Variants in TNFSF4 observed in about 807,000 individuals in gnomAD.
The protein encoded by TNFSF4 is tumor necrosis factor ligand superfamily member 4.
A neutral mutation model predicts 7.3 loss-of-function variants in TNFSF4; 4 were observed. That is an observed-to-expected ratio of 0.55 (90% CI 0.27 to 1.25). The LOEUF is 1.25. Among genes scored for constraint, TNFSF4 ranks in the 50% most tolerant of loss-of-function variants. The pLI, the probability that TNFSF4 is intolerant of heterozygous loss-of-function variation, is 0.12. For missense variants in TNFSF4, 181 were observed against 208.8 expected, an observed-to-expected ratio of 0.87 and a Z score of 0.82; for synonymous variants, 76 against 83.7, an observed-to-expected ratio of 0.91 and a Z score of 0.50.
the TNFSF4 span, among the ~76,000 whole-genome samples, chr1:173,302,051 T>A: frequency 2.6e-5 from 4 of 151,910 alleles, no homozygotes; most frequent in African/African-American, 7.2e-5. Context: ...AGAAATAAAC[T>A]TTTTAAACGG....
intron 2 of TNFSF4, among the ~76,000 whole-genome samples, chr1:173,187,550 T>C (rs1272831287): frequency 6.6e-6 from 1 of 152,202 alleles, no homozygotes; most frequent in Non-Finnish European, 1.5e-5. Flanking sequence ...GCACACCGTA[T>C]CTGTGGATTC....
the TNFSF4 span, among the ~76,000 whole-genome samples, chr1:173,262,073 A>T: frequency 6.6e-6 from 1 of 152,214 alleles, no homozygotes; most frequent in Non-Finnish European, 1.5e-5. Context: ...TCGATGCAAA[A>T]ATCCTCAATA....
chr1:173,425,662 A>G, the TNFSF4 span, among the ~76,000 whole-genome samples: 8 of 152,228 alleles, frequency 5.3e-5, no homozygotes, highest in Non-Finnish European at 5.9e-5. Context: ...AAAGGACATC[A>G]GGCAGTTAAA....
At chr1:173,351,852 A>G in the TNFSF4 span, 1 of 601,186 alleles carries the variant, frequency 1.7e-6, no homozygotes, top group South Asian at 1.7e-5. Context: ...CAATGGCACA[A>G]CTGTCCATGT....
chr1:173,348,263 T>A, the TNFSF4 span, among the ~76,000 whole-genome samples: 1 of 152,208 alleles, frequency 6.6e-6, no homozygotes, highest in East Asian at 1.9e-4. Context: ...TGGTAGTGAA[T>A]AAAAGTCTCA....
the TNFSF4 span, among the ~76,000 whole-genome samples, chr1:173,266,320 C>CATAT: frequency 6.6e-6 from 1 of 151,292 alleles, no homozygotes; most frequent in Non-Finnish European, 1.5e-5. Context: ...GAAGGGTATG[C>CATAT]ATATATATAT....
downstream of TNFSF4, among the ~76,000 whole-genome samples, chr1:173,181,832 G>C (rs562352575): frequency 6.6e-6 from 1 of 152,178 alleles, no homozygotes; most frequent in African/African-American, 2.4e-5. Flanking sequence ...TCCGTGCTTT[G>C]ATCCCGTGGA....
the TNFSF4 span, among the ~76,000 whole-genome samples, chr1:173,291,175 G>A: frequency 6.6e-6 from 1 of 152,162 alleles, no homozygotes; most frequent in Non-Finnish European, 1.5e-5. Context: ...GGCAAAACAG[G>A]AGCGAGCACC....
At chr1:173,204,606 C>T (rs1033778835) in intron 1 of TNFSF4, among the ~76,000 whole-genome samples, 1 of 152,144 alleles carries the variant, frequency 6.6e-6, no homozygotes, top group Non-Finnish European at 1.5e-5. Flanking sequence ...AAAAACCTTT[C>T]TCTCACAATA....
At chr1:173,322,933 C>T in the TNFSF4 span, among the ~76,000 whole-genome samples, 2 of 152,204 alleles carry the variant, frequency 1.3e-5, no homozygotes, top group African/African-American at 4.8e-5. Context: ...GGAGGCCTGC[C>T]TGCCTCTATA....
chr1:173,444,022 G>A, the TNFSF4 span, among the ~76,000 whole-genome samples: 1 of 152,264 alleles, frequency 6.6e-6, no homozygotes, highest in African/African-American at 2.4e-5. Context: ...AGCTCTTTGG[G>A]AAATCAGAAG....
the TNFSF4 span, among the ~76,000 whole-genome samples, chr1:173,269,244 G>C: frequency 1.1e-3 from 167 of 152,234 alleles, no homozygotes; most frequent in Middle Eastern, 6.8e-3. Flanking sequence ...TTCCAAGGAA[G>C]ATACTTTTCA....
the TNFSF4 span, among the ~76,000 whole-genome samples, chr1:173,403,975 A>T: frequency 2.6e-5 from 4 of 152,300 alleles, no homozygotes; most frequent in South Asian, 8.3e-4. Flanking sequence ...GGGAAATATA[A>T]AAGAGTAAGA....
chr1:173,307,032 C>T, the TNFSF4 span, among the ~76,000 whole-genome samples: 2 of 151,858 alleles, frequency 1.3e-5, no homozygotes, highest in Non-Finnish European at 2.9e-5. Flanking sequence ...TTAATTGCTT[C>T]TTGGAATGAT....
chr1:173,281,133 C>A, the TNFSF4 span, among the ~76,000 whole-genome samples: 3 of 151,786 alleles, frequency 2.0e-5, no homozygotes, highest in African/African-American at 4.8e-5. Flanking sequence ...ACGTGAGATG[C>A]GCATTGTTAG....
chr1:173,275,163 T>G, the TNFSF4 span, among the ~76,000 whole-genome samples: 1 of 152,056 alleles, frequency 6.6e-6, no homozygotes, highest in Non-Finnish European at 1.5e-5. Flanking sequence ...GTGTTCTCTA[T>G]ATGTCCCTTT....
At chr1:173,279,399 T>C in the TNFSF4 span, among the ~76,000 whole-genome samples, 1 of 152,098 alleles carries the variant, frequency 6.6e-6, no homozygotes, top group Non-Finnish European at 1.5e-5. Flanking sequence ...CTGTCCTCAG[T>C]CCTCGTTCTT....
the TNFSF4 span, among the ~76,000 whole-genome samples, chr1:173,318,137 C>T: frequency 7.2e-5 from 11 of 152,220 alleles, no homozygotes; most frequent in Middle Eastern, 3.4e-3. Flanking sequence ...AAAATTACTA[C>T]CAAATGTTTA....
the TNFSF4 span, among the ~76,000 whole-genome samples, chr1:173,417,310 G>C: frequency 6.6e-6 from 1 of 152,166 alleles, no homozygotes; most frequent in Non-Finnish European, 1.5e-5. Flanking sequence ...CATAAGGTTC[G>C]TGTGAGGGTT....
Sources: gnomAD v4.1 joint callset for allele counts (sites outside exome capture counted in the v4.1 genomes callset) on GRCh38, gnomAD v4.1.1 for gene constraint, MANE v1.5 for transcripts, NCBI Gene and HGNC (gene_info 2026-07-23, HGNC 2026-07-21) for gene names.